ANK1: variants seen among roughly 807,000 people sequenced by gnomAD.
ANK1 encodes ankyrin-1.
A neutral mutation model predicts 210.4 loss-of-function variants in ANK1; 51 were observed. That is an observed-to-expected ratio of 0.24 (90% CI 0.19 to 0.31). The LOEUF (loss-of-function observed/expected upper bound fraction) is 0.31, where lower values mean the gene tolerates loss of function less well. Ranked by LOEUF, ANK1 falls within the 10% of genes least tolerant of loss-of-function variation. The probability of loss-of-function intolerance (pLI) is 1.00; values close to 1 mark genes in which losing one functional copy is unlikely to be tolerated. For synonymous variants in ANK1, 967 were observed against 1,025.9 expected (o/e 0.94, Z 1.10); for missense variants, 2,051 against 2,504.4 (o/e 0.82, Z 3.86).
chr8:41,814,397 AT>A (rs1350067409), intron 1 of ANK1, among the ~76,000 whole-genome samples: 4 of 151,076 alleles, frequency 2.6e-5, no homozygotes, highest in Admixed American at 1.3e-4. Flanking sequence ...GGGCTCATTC[AT>A]TTGCATGTAA....
chr8:41,848,398 G>A (rs1213098871), intron 1 of ANK1, among the ~76,000 whole-genome samples: 1 of 152,180 alleles, frequency 6.6e-6, no homozygotes, highest in Non-Finnish European at 1.5e-5. Context: ...AGACCTCACA[G>A]GGGAAGTGGG....
chr8:41,682,921 C>T (rs1353450401), intron 37 of ANK1, among the ~76,000 whole-genome samples: 1 of 152,212 alleles, frequency 6.6e-6, no homozygotes, highest in Non-Finnish European at 1.5e-5. Flanking sequence ...GCCCACTGAG[C>T]TCCTGTAAAG....
chr8:41,762,667 G>A (rs563703359), intron 1 of ANK1, among the ~76,000 whole-genome samples: 1 of 152,290 alleles, frequency 6.6e-6, no homozygotes, highest in Non-Finnish European at 1.5e-5. Context: ...CCCAGTCAAG[G>A]TTTAGTCTCT....
chr8:41,852,913 C>A (rs1479926395), intron 1 of ANK1, among the ~76,000 whole-genome samples: 1 of 152,170 alleles, frequency 6.6e-6, no homozygotes, highest in Non-Finnish European at 1.5e-5. Context: ...GAGGACATGT[C>A]CCCCAGAGTT....
intron 42 of ANK1, 163 bp downstream of exon 42, chr8:41,661,267 C>T: frequency 1.8e-6 from 2 of 1,099,238 alleles, no homozygotes; most frequent in Non-Finnish European, 2.6e-6. Flanking sequence ...TCAGAGCCAA[C>T]TGTTAGCAGG....
chr8:41,772,955 C>A (rs1843241827), intron 1 of ANK1, among the ~76,000 whole-genome samples: 1 of 152,114 alleles, frequency 6.6e-6, no homozygotes, highest in Non-Finnish European at 1.5e-5. Context: ...GTGTCAGCCA[C>A]CAGGAGCATC....
At chr8:41,697,916 T>G (rs1373391581) in intron 24 of ANK1, 127 bp downstream of exon 24, 1 of 892,320 alleles carries the variant, frequency 1.1e-6, no homozygotes, top group African/African-American at 1.6e-5. Context: ...GGAATGCCAG[T>G]TGGACAGTGA....
chr8:41,871,886 C>T (rs1220266475), intron 1 of ANK1, among the ~76,000 whole-genome samples: 1 of 152,206 alleles, frequency 6.6e-6, no homozygotes, highest in East Asian at 1.9e-4. Flanking sequence ...TGAACCCACC[C>T]AGCACAAGCA....
chr8:41,692,282 C>T (rs1819486553), intron 31 of ANK1, among the ~76,000 whole-genome samples: 1 of 152,238 alleles, frequency 6.6e-6, no homozygotes, highest in Non-Finnish European at 1.5e-5. Context: ...GTCTCGAACT[C>T]CTGACCTCAG....
At chr8:41,807,469 G>C (rs201613811) in intron 1 of ANK1, among the ~76,000 whole-genome samples, 1 of 152,106 alleles carries the variant, frequency 6.6e-6, no homozygotes, top group African/African-American at 2.4e-5. Flanking sequence ...CCTGTCTGTC[G>C]TGGCCCTTTC....
intron 1 of ANK1, among the ~76,000 whole-genome samples, chr8:41,763,893 T>A (rs1841115673): frequency 8.6e-6 from 1 of 116,230 alleles, no homozygotes; most frequent in Non-Finnish European, 1.8e-5. Flanking sequence ...TTTTTTCTTT[T>A]TTTTTTTTTT....
At chr8:41,668,171 G>A in intron 39 of ANK1, 96 bp downstream of exon 39, 4 of 1,523,714 alleles carry the variant, frequency 2.6e-6, no homozygotes, top group Non-Finnish European at 3.6e-6. Flanking sequence ...GATATGCTTA[G>A]CTCAGGGCTT....
intron 1 of ANK1, among the ~76,000 whole-genome samples, chr8:41,787,687 C>T (rs762684339): frequency 6.6e-6 from 1 of 152,132 alleles, no homozygotes; most frequent in African/African-American, 2.4e-5. Context: ...AATAGCCAGG[C>T]GTGCTGGCCT....
chr8:41,885,513 A>G (rs1162792264), intron 1 of ANK1, among the ~76,000 whole-genome samples: 2 of 152,208 alleles, frequency 1.3e-5, no homozygotes, highest in Non-Finnish European at 2.9e-5. Context: ...ACATTGCTCC[A>G]TGTCGGCGGA....
At position 41,696,509 on chromosome 8, in the gene ANK1, G is replaced by T. The variant is rs754659892; in HGVS notation, c.2814C>A (p.Ile938=). 2 of 1,613,606 alleles carry T rather than the reference G, an allele frequency of 1.2e-6. No individual in the cohort carries two copies. ...TGGGCGCTGCGCACGTCCGTGGCGG[G>T]ATCACCACTCGCAGGCCGTTGTGGC... ...GSRHNGLRVV[I]PPRTCAAPTR... Residue 938 remains isoleucine, a synonymous_variant, in exon 26 of 43, where the codon ATC becomes ATA. Transcript: ENST00000289734.
intron 1 of ANK1, chr8:41,829,911 G>C (rs1368080485): frequency 7.1e-6 from 1 of 140,334 alleles, no homozygotes; most frequent in Non-Finnish European, 1.5e-5. Context: ...ACTCCAGCCT[G>C]GGCGACAGAG....
intron 37 of ANK1, among the ~76,000 whole-genome samples, chr8:41,679,558 C>CA (rs1469060675): frequency 2.2e-5 from 2 of 90,242 alleles, no homozygotes; most frequent in Non-Finnish European, 4.0e-5. Context: ...CCTGGACTTT[C>CA]TTTTTTTTTT....
In ANK1 at chr8:41,696,720, C is replaced by T. The variant is rs373534758; in HGVS notation, c.2691G>A (p.Glu897=). The T allele has an allele frequency of 4.4e-6, 7 of 1,602,514 alleles. No individual in the cohort carries two copies. Among genetic ancestry groups the T allele is most frequent in the Middle Eastern group, 1.6e-4 (1 of 6,072 alleles). The change falls in exon 25 of 43, where the codon GAG becomes GAA. Residue 897 remains glutamate, a synonymous_variant. Coordinates refer to ENST00000289734, the MANE Select transcript of ANK1 (RefSeq NM_000037.4). ...CCACCGGGCTGATGTTGTCTGAGGTCTCGGTGGCCGGGCTGCTGGGGATGA... is the reference window on the plus strand; with the variant it reads ...CCACCGGGCTGATGTTGTCTGAGGTTTCGGTGGCCGGGCTGCTGGGGATGA... The part of the protein sequence containing the change: ...DSLIPSSPAT[E]TSDNISPVAS...
rs747026701 is a variant in ANK1, at chr8:41,688,137, C to A, written c.4258+19G>T. 3 of 1,613,146 alleles carry A rather than the reference C, an allele frequency of 1.9e-6. No individual in the cohort carries two copies. The highest frequency in any genetic ancestry group is 2.7e-5 in the African/African-American group (2 of 74,912). ...GTGAGATGGACAAAGTGCTTTTCTG[C>A]CCCCAATTCCCCACTCACCTGCCCA... On this transcript the variant is annotated intron_variant, in intron 35 of 42. Coordinates refer to ENST00000289734, the MANE Select transcript of ANK1 (RefSeq NM_000037.4).
Sources: allele counts gnomAD v4.1 joint callset (sites outside exome capture counted in the v4.1 genomes callset), GRCh38; gene constraint gnomAD v4.1.1; transcripts MANE v1.5; gene names NCBI Gene and HGNC (gene_info 2026-07-23, HGNC 2026-07-21).